The following SPON1 variants were observed in gnomAD, a reference collection of about 807,000 sequenced individuals.
SPON1 encodes spondin 1, also known as spondin-1.
A neutral mutation model predicts 111.7 loss-of-function variants in SPON1; 52 were observed. That is an observed-to-expected ratio of 0.47 (90% CI 0.37 to 0.59). The LOEUF (loss-of-function observed/expected upper bound fraction) is 0.59. SPON1 is among the 20% of genes least tolerant of loss of function. SPON1 has a pLI of 0.00. For synonymous variants in SPON1, 410 were observed against 395.8 expected, an observed-to-expected ratio of 1.04 and a Z score of -0.43; for missense variants, 957 against 1,068.5, an observed-to-expected ratio of 0.90 and a Z score of 1.46.
intron 6 of SPON1, among the ~76,000 whole-genome samples, chr11:14,199,380 T>C (rs1323316201): frequency 8.6e-5 from 13 of 152,010 alleles, no homozygotes; most frequent in African/African-American, 2.9e-4. Flanking sequence ...AGACCACTCC[T>C]TCCCTTCACC....
chr11:14,093,189 A>G (rs1485425958), intron 5 of SPON1, among the ~76,000 whole-genome samples: 1 of 152,240 alleles, frequency 6.6e-6, no homozygotes, highest in African/African-American at 2.4e-5. Flanking sequence ...CAGCTCCTGC[A>G]ATGTCTGTTC....
At chr11:14,199,415 A>G (rs1430062471) in intron 6 of SPON1, among the ~76,000 whole-genome samples, 1 of 151,968 alleles carries the variant, frequency 6.6e-6, no homozygotes, top group Non-Finnish European at 1.5e-5. Flanking sequence ...CCACCAAGAC[A>G]TAGTAGCTCT....
rs782362597 is a variant in SPON1 at position 14,216,651 on chromosome 11, CAT to C, written c.826-26679_826-26678del. Among the ~76,000 whole-genome samples, 6 of 152,256 alleles carry C rather than the reference CAT, an allele frequency of 3.9e-5. No homozygotes were observed. The East Asian group carries it at 5.8e-4, about 15-fold the overall frequency. On this transcript the variant is annotated intron_variant, in intron 6 of 15. Coordinates refer to ENST00000576479, the MANE Select transcript of SPON1 (RefSeq NM_006108.4). Reference sequence around the variant, plus strand: ...GGCAGAAGTGATTGATTACATGAAACATAGAGGCACCAGGGGCTGAACTTACT... The same window carrying C: ...GGCAGAAGTGATTGATTACATGAAACAGAGGCACCAGGGGCTGAACTTACT...
intron 5 of SPON1, among the ~76,000 whole-genome samples, chr11:14,119,832 C>T (rs761107294): frequency 9.9e-5 from 15 of 152,132 alleles, no homozygotes; most frequent in Non-Finnish European, 1.3e-4. Flanking sequence ...AGTACACAAA[C>T]GTACACCAAA....
chr11:14,262,604 A>G (rs1157202268), intron 14 of SPON1, 108 bp from the exon 15 acceptor site: 5 of 1,403,800 alleles, frequency 3.6e-6, no homozygotes, highest in Non-Finnish European at 4.9e-6. Flanking sequence ...AGCATGACAC[A>G]GCACCTGCTT....
At chr11:14,065,338 G>T (rs1369242999) in intron 3 of SPON1, among the ~76,000 whole-genome samples, 3 of 152,192 alleles carry the variant, frequency 2.0e-5, no homozygotes, top group Non-Finnish European at 4.4e-5. Flanking sequence ...ACGAACTGCG[G>T]AGAGTAATGA....
intron 7 of SPON1, among the ~76,000 whole-genome samples, chr11:14,245,317 G>T (rs1299368977): frequency 6.6e-6 from 1 of 152,140 alleles, no homozygotes; most frequent in Non-Finnish European, 1.5e-5. Context: ...CCTACTGTGC[G>T]CCAGCCCTGC....
At chr11:14,254,388 C>T (rs771580232) in intron 7 of SPON1, 140 bp from the exon 8 acceptor site, 18 of 760,418 alleles carry the variant, frequency 2.4e-5, no homozygotes, top group African/African-American at 3.5e-5. Flanking sequence ...CCCACAGTGG[C>T]CAAAGGCAGA....
intron 15 of SPON1, 67 bp downstream of exon 15, chr11:14,263,042 T>C (rs1408309914): frequency 2.1e-6 from 3 of 1,400,164 alleles, no homozygotes; most frequent in African/African-American, 1.6e-5. Context: ...GGGCTAAGTC[T>C]TGGACCTGTT....
intron 3 of SPON1, among the ~76,000 whole-genome samples, chr11:14,070,819 C>A (rs977135748): frequency 1.3e-5 from 2 of 152,068 alleles, no homozygotes. Context: ...AATGAATAAA[C>A]CCTCCAAACA....
chr11:13,971,277 C>A (rs782806207), intron 1 of SPON1, among the ~76,000 whole-genome samples: 2 of 152,130 alleles, frequency 1.3e-5, no homozygotes, highest in Admixed American at 6.5e-5. Context: ...GAAGCTGAAA[C>A]GCTGCTGCTG....
At chr11:14,232,753 C>A (rs1377973172) in intron 6 of SPON1, among the ~76,000 whole-genome samples, 2 of 152,186 alleles carry the variant, frequency 1.3e-5, no homozygotes, top group Admixed American at 6.5e-5. Flanking sequence ...TGCCATTTTT[C>A]TCAACTCCAC....
chr11:14,091,405 C>A lies in SPON1; in HGVS notation c.676+11384C>A, dbSNP rs868920020. Among the ~76,000 whole-genome samples the A allele has an allele frequency of 5.3e-4, 80 of 152,318 alleles. 1 individual carries two copies. Among genetic ancestry groups the A allele is most frequent in the African/African-American group, 1.8e-3 (75 of 41,576 alleles). ...TGGTGCTCGTTGGGGAGGCTCGGGC[C>A]GCACAGGAGCCCATGGAGTGGGTGG... On this transcript the variant is annotated intron_variant, in intron 5 of 15. Coordinates refer to ENST00000576479, the MANE Select transcript of SPON1 (RefSeq NM_006108.4).
At chr11:14,253,512 G>A (rs1849074223) in intron 7 of SPON1, among the ~76,000 whole-genome samples, 1 of 152,220 alleles carries the variant, frequency 6.6e-6, no homozygotes, top group Admixed American at 6.5e-5. Context: ...AGTTCCCCAG[G>A]CCCCAGTCGG....
At chr11:14,103,331 C>T (rs899336746) in intron 5 of SPON1, among the ~76,000 whole-genome samples, 3 of 152,158 alleles carry the variant, frequency 2.0e-5, no homozygotes, top group Non-Finnish European at 2.9e-5. Context: ...GGCTGGGATT[C>T]GTTTATCCCT....
chr11:14,201,927 TA>T (rs1848468816), intron 6 of SPON1, among the ~76,000 whole-genome samples: 1 of 152,170 alleles, frequency 6.6e-6, no homozygotes, highest in African/African-American at 2.4e-5. Context: ...TTTTTTTTCC[TA>T]ATCTGTTTAG....
chr11:14,113,598 T>A (rs1554925677), intron 5 of SPON1, among the ~76,000 whole-genome samples: 2,027 of 46,822 alleles, frequency 0.043, 315 homozygotes, highest in African/African-American at 0.089. Flanking sequence ...TTTTTTTTTT[T>A]TTTTTTTTTT....
At chr11:14,161,459 C>G (rs1320623514) in intron 6 of SPON1, among the ~76,000 whole-genome samples, 1 of 150,678 alleles carries the variant, frequency 6.6e-6, no homozygotes, top group Admixed American at 6.7e-5. Context: ...GCTGGGACTA[C>G]AGGTGCACAC....
chr11:14,173,773 C>G (rs1379693819), intron 6 of SPON1, among the ~76,000 whole-genome samples: 1 of 152,158 alleles, frequency 6.6e-6, no homozygotes, highest in Non-Finnish European at 1.5e-5. Flanking sequence ...CCCTGTTTAC[C>G]TGGGTGTCAG....
Sources: allele counts gnomAD v4.1 joint callset (sites outside exome capture counted in the v4.1 genomes callset), GRCh38; gene constraint gnomAD v4.1.1; transcripts MANE v1.5; gene names NCBI Gene and HGNC (gene_info 2026-07-23, HGNC 2026-07-21).